The following TGOLN2 variants were observed in gnomAD, a reference collection of about 807,000 sequenced individuals.
The protein encoded by TGOLN2 is trans-Golgi network integral membrane protein 2.
TGOLN2 carries 19 observed loss-of-function variants against 31.3 expected under a neutral mutation model. That is an observed-to-expected ratio of 0.61 (90% CI 0.42 to 0.89). The LOEUF (loss-of-function observed/expected upper bound fraction) is 0.89, where lower values mean the gene tolerates loss of function less well. Ranked by LOEUF, TGOLN2 falls within the 40% of genes least tolerant of loss-of-function variation. The pLI is 0.00. For missense variants in TGOLN2, 540 were observed against 559.2 expected, an observed-to-expected ratio of 0.97 and a Z score of 0.35; for synonymous variants, 222 against 226.7, an observed-to-expected ratio of 0.98 and a Z score of 0.19.
chr2:85,325,077 C>T, intron 2 of TGOLN2, 79 bp from the exon 3 acceptor site: 1 of 1,344,994 alleles, frequency 7.4e-7, no homozygotes. Context: ...GAGGCAGTCA[C>T]CTGGTAGCAT....
chr2:85,326,436 A>G, intron 2 of TGOLN2, 72 bp downstream of exon 2: 1 of 1,488,074 alleles, frequency 6.7e-7, no homozygotes, highest in Non-Finnish European at 9.2e-7. Flanking sequence ...TAGTGACGGG[A>G]TACCCACCCA....
At position 85,321,834 on chromosome 2, in the gene TGOLN2, C is replaced by T. The variant is rs538817753; in HGVS notation, c.*902G>A. On this transcript the variant is annotated 3_prime_UTR_variant, in exon 4 of 4. Transcript: ENST00000377386. ...GCAGACCAAAACCAAAACCCTCCTT[C>T]ATGTTTTCTCGCATGAAACATAAAC... 7.9e-5 allele frequency: 12 copies of T among 152,348 alleles called. No individual in the cohort carries two copies. In the East Asian group the frequency reaches 2.1e-3, roughly 27 times the overall value. 9.4% of individuals were successfully genotyped at this position (152,348 alleles called of 1,614,324 possible).
chr2:85,326,106 G>C (rs775902114), intron 2 of TGOLN2, among the ~76,000 whole-genome samples: 1 of 152,334 alleles, frequency 6.6e-6, no homozygotes, highest in South Asian at 2.1e-4. Flanking sequence ...TGATGGAAGA[G>C]AGAATGTTGG....
rs1436185489 is a variant in TGOLN2, at chr2:85,326,711, C to G, written c.1021G>C (p.Glu341Gln). 1 of 1,614,032 alleles carries G rather than the reference C, an allele frequency of 6.2e-7. No individual in the cohort carries two copies. Among genetic ancestry groups the G allele is most frequent in the South Asian group, 1.1e-5 (1 of 91,086 alleles). ...TGPEEGSPPK[E>Q]EKEKMSGSAS... ...GAACCGGACATCTTTTCTTTCTCTT[C>G]TTTGGGCGGTGAGCCCTCCTCGGGT... Residue 341 changes from glutamate to glutamine, a missense_variant, in exon 2 of 4, where the codon GAA becomes CAA. Physicochemically the swap from Glu to Gln is conservative, Grantham distance 29. Coordinates refer to ENST00000377386, the MANE Select transcript of TGOLN2 (RefSeq NM_006464.4).
At chr2:85,323,473 G>A (rs933518900) in intron 3 of TGOLN2, among the ~76,000 whole-genome samples, 1 of 152,140 alleles carries the variant, frequency 6.6e-6, no homozygotes, top group East Asian at 1.9e-4. Context: ...GGCTGAAGAG[G>A]GAGAACTGCT....
At chr2:85,322,900 G>A in intron 3 of TGOLN2, 159 bp from the exon 4 acceptor site, 1 of 1,247,064 alleles carries the variant, frequency 8.0e-7, no homozygotes, top group Admixed American at 2.9e-5. Flanking sequence ...TACACTTGAT[G>A]GAGAGAGAGG....
rs114439882 is a variant in TGOLN2 at position 85,326,014 on chromosome 2, T to C, written c.1224+494A>G. 9.5e-3 allele frequency among the ~76,000 whole-genome samples: 1,449 copies of C among 152,316 alleles called. 9 individuals are homozygous for C. Among genetic ancestry groups the C allele is most frequent in the Middle Eastern group, 0.041 (12 of 294 alleles). On this transcript the variant is annotated intron_variant, in intron 2 of 3. Transcript: ENST00000377386. ...TGCAATTTCTGGGCTTTCTTCTAATTATTATTAATTGCAGAAGTCCCTGGG... is the reference window on the plus strand; with the variant it reads ...TGCAATTTCTGGGCTTTCTTCTAATCATTATTAATTGCAGAAGTCCCTGGG...
At chr2:85,322,914 C>T in intron 3 of TGOLN2, 173 bp from the exon 4 acceptor site, 1 of 1,160,518 alleles carries the variant, frequency 8.6e-7, no homozygotes, top group Non-Finnish European at 1.2e-6. Flanking sequence ...AGAGAGGAAT[C>T]CTGGCTTCTG....
At chr2:85,323,347 T>C (rs1451937992) in intron 3 of TGOLN2, among the ~76,000 whole-genome samples, 1 of 151,976 alleles carries the variant, frequency 6.6e-6, no homozygotes, top group Non-Finnish European at 1.5e-5. Context: ...GGGTGGATCA[T>C]TTGAGGTCAG....
rs1682518054 is a variant in TGOLN2, at chr2:85,320,744, T to A, written c.*1992A>T. 6.6e-6 allele frequency: 1 copy of A among 152,232 alleles called. No individual in the cohort carries two copies. The highest frequency in any genetic ancestry group is 2.4e-5 in the African/African-American group (1 of 41,454). The allele number at this position is 152,232 out of a possible 1,614,324, so 9.4% of individuals were successfully genotyped here. The stretch of plus-strand genomic sequence containing the variant: ...ATAGAGAGGCCTGGCTTTGAGGGCC[T>A]CTTCACCACCAGCACAAGATAAGGC... On this transcript the variant is annotated 3_prime_UTR_variant, in exon 4 of 4. Transcript: ENST00000377386.
rs1343940129 is a variant in TGOLN2 at position 85,322,513 on chromosome 2, C to A, written c.*223G>T. The A allele has an allele frequency of 1.2e-6, 1 of 811,202 alleles. No homozygotes were observed. Among genetic ancestry groups the A allele is most frequent in the South Asian group, 1.8e-5 (1 of 56,660 alleles). The allele number at this position is 811,202 out of a possible 1,614,324, so 50.3% of individuals were successfully genotyped here. A position where few individuals can be genotyped will look rare whatever the true frequency, so the allele number is the denominator to read the frequency against. ...GAACAATGTCACCAAAGTGCAGGTG[C>A]AAAGCCCAAAGCAGCCCCCTACCTC... On this transcript the variant is annotated 3_prime_UTR_variant, in exon 4 of 4. Coordinates refer to ENST00000377386, the MANE Select transcript of TGOLN2 (RefSeq NM_006464.4).
intron 3 of TGOLN2, 184 bp downstream of exon 3, chr2:85,324,731 A>G (rs1460021014): frequency 1.6e-6 from 1 of 638,724 alleles, no homozygotes; most frequent in African/African-American, 1.8e-5. Flanking sequence ...CTCTAACGTC[A>G]CAGATATGTG....
intron 2 of TGOLN2, 138 bp downstream of exon 2, chr2:85,326,370 A>G: frequency 1.3e-6 from 1 of 754,134 alleles, no homozygotes; most frequent in South Asian, 1.8e-5. Context: ...GAGGCCTAAT[A>G]GGGCCTGAGG....
Position 85,319,024 on chromosome 2 carries a change from C to T in TGOLN2, c.*3712G>A, listed in dbSNP as rs1194180755. 6.6e-6 allele frequency: 1 copy of T among 152,234 alleles called. No individual in the cohort carries two copies. The highest frequency in any genetic ancestry group is 1.5e-5 in the Non-Finnish European group (1 of 68,048). 9.4% of individuals were successfully genotyped at this position (152,234 alleles called of 1,614,324 possible). On this transcript the variant is annotated 3_prime_UTR_variant, in exon 4 of 4. Transcript: ENST00000377386. ...CTTGTGGCTCCACGTGCTTCTTACA[C>T]ACCACCCCCCAGCTTGAGCGATGCC...
At chr2:85,324,577 G>C in intron 3 of TGOLN2, 1 of 411,312 alleles carries the variant, frequency 2.4e-6, no homozygotes, top group African/African-American at 2.0e-5. Context: ...GGAGACTAGG[G>C]AGTTGCTATC....
In TGOLN2 at chr2:85,319,652, T is replaced by C. The variant is rs1220938337; in HGVS notation, c.*3084A>G. 1.3e-5 allele frequency: 2 copies of C among 152,182 alleles called. No homozygotes were observed. The highest frequency in any genetic ancestry group is 4.8e-5 in the African/African-American group (2 of 41,430). 9.4% of individuals were successfully genotyped at this position (152,182 alleles called of 1,614,324 possible). On this transcript the variant is annotated 3_prime_UTR_variant, in exon 4 of 4. Coordinates refer to ENST00000377386, the MANE Select transcript of TGOLN2 (RefSeq NM_006464.4). ...ACCAACCTTTCTTCCTGCTCTCCTCTTTAAGAGCAAACCCCAACATGTATA... is the reference window on the plus strand; with the variant it reads ...ACCAACCTTTCTTCCTGCTCTCCTCCTTAAGAGCAAACCCCAACATGTATA...
Position 85,327,425 on chromosome 2 carries a change from T to C in TGOLN2, c.307A>G (p.Lys103Glu), listed in dbSNP as rs1044964. ...DSSNKSGAEAKTQKGSTSKSG... is the reference protein window; with the variant it reads ...DSSNKSGAEAETQKGSTSKSG... ...TTGCTAGTGCTGCCTTTTTGGGTCTTTGCCTCCGCACCCGACTTGTTGGAG... is the reference window on the plus strand; with the variant it reads ...TTGCTAGTGCTGCCTTTTTGGGTCTCTGCCTCCGCACCCGACTTGTTGGAG... The change falls in exon 2 of 4, where the codon AAG becomes GAG. Residue 103 changes from lysine (K) to glutamate (E), a missense_variant. Coordinates refer to ENST00000377386, the MANE Select transcript of TGOLN2 (RefSeq NM_006464.4). 21 of 1,511,950 alleles carry C rather than the reference T, an allele frequency of 1.4e-5. No individual in the cohort carries two copies. The Admixed American group carries it at 1.9e-4, about 13-fold the overall frequency. 93.7% of individuals were successfully genotyped at this position (1,511,950 alleles called of 1,614,324 possible).
At chr2:85,325,666 C>T (rs1484959669) in intron 2 of TGOLN2, among the ~76,000 whole-genome samples, 2 of 152,054 alleles carry the variant, frequency 1.3e-5, no homozygotes, top group Non-Finnish European at 2.9e-5. Context: ...TATGTAGAGA[C>T]GAGGTCTTGC....
chr2:85,323,445 A>G (rs1358165047), intron 3 of TGOLN2, among the ~76,000 whole-genome samples: 2 of 152,104 alleles, frequency 1.3e-5, no homozygotes, highest in Admixed American at 1.3e-4. Context: ...GGGCGCCTGT[A>G]ATCCCACCTA....
Sources: allele counts gnomAD v4.1 joint callset (sites outside exome capture counted in the v4.1 genomes callset), GRCh38; gene constraint gnomAD v4.1.1; transcripts MANE v1.5; gene names NCBI Gene and HGNC (gene_info 2026-07-23, HGNC 2026-07-21).